The following ANKIB1 variants were observed in gnomAD, a reference collection of about 807,000 sequenced individuals.
ANKIB1 encodes the protein ankyrin repeat and IBR domain-containing protein 1.
A neutral mutation model predicts 122.1 loss-of-function variants in ANKIB1; 43 were observed. The ratio of observed to expected loss-of-function variants is 0.35; its 90% CI spans 0.28 to 0.45. The LOEUF (loss-of-function observed/expected upper bound fraction) is 0.45. Among genes scored for constraint, ANKIB1 ranks in the 20% least tolerant of loss-of-function variants. The pLI is 1.00. For missense variants in ANKIB1, 992 were observed against 1,329.5 expected, an observed-to-expected ratio of 0.75 and a Z score of 3.95; for synonymous variants, 390 against 442.0, an observed-to-expected ratio of 0.88 and a Z score of 1.48.
chr7:92,324,459 C>CGCAT, intron 4 of ANKIB1, among the ~76,000 whole-genome samples: 1 of 152,330 alleles, frequency 6.6e-6, no homozygotes, highest in Non-Finnish European at 1.5e-5. Flanking sequence ...GTCTTGAACT[C>CGCAT]GTGACCTCAA....
At chr7:92,307,808 C>CTTTTTTTTTTTTTTTTTTTT (rs71107855) in intron 3 of ANKIB1, among the ~76,000 whole-genome samples, 152 bp downstream of exon 3, 1 of 47,906 alleles carries the variant, frequency 2.1e-5, no homozygotes. Context: ...TAAAGGGCCT[C>CTTTTTTTTTTTTTTTTTTTT]TTTTTTTTTT....
intron 1 of ANKIB1, among the ~76,000 whole-genome samples, chr7:92,291,739 G>A (rs1217824067): frequency 2.0e-5 from 3 of 151,834 alleles, no homozygotes; most frequent in African/African-American, 7.3e-5. Flanking sequence ...ACCACGCCCG[G>A]CTAATTTTTT....
chr7:92,285,410 A>G (rs1448621945), intron 1 of ANKIB1, among the ~76,000 whole-genome samples: 1 of 152,244 alleles, frequency 6.6e-6, no homozygotes, highest in African/African-American at 2.4e-5. Context: ...ATAGAAAAGT[A>G]TAAGGCATGT....
chr7:92,323,502 A>G (rs1802958289), intron 4 of ANKIB1, among the ~76,000 whole-genome samples: 1 of 152,006 alleles, frequency 6.6e-6, no homozygotes, highest in African/African-American at 2.4e-5. Context: ...TGAATTTGTG[A>G]CTTGCTAATA....
intron 1 of ANKIB1, among the ~76,000 whole-genome samples, chr7:92,287,280 CT>C (rs1472265718): frequency 6.6e-6 from 1 of 152,174 alleles, no homozygotes; most frequent in Non-Finnish European, 1.5e-5. Context: ...GTCTAGGGCC[CT>C]ATATGGCATT....
chr7:92,370,296 C>G (rs985599575), intron 10 of ANKIB1, among the ~76,000 whole-genome samples: 1 of 151,552 alleles, frequency 6.6e-6, no homozygotes, highest in African/African-American at 2.4e-5. Context: ...ATCACGAGGT[C>G]AGGAGATCGA....
chr7:92,362,302 C>T, intron 10 of ANKIB1, 29 bp downstream of exon 10: 1 of 1,539,972 alleles, frequency 6.5e-7, no homozygotes, highest in South Asian at 1.2e-5. Flanking sequence ...AGCTTTGCTG[C>T]ATATTTCCTG....
intron 2 of ANKIB1, among the ~76,000 whole-genome samples, chr7:92,296,159 T>C (rs953787738): frequency 2.6e-5 from 4 of 152,148 alleles, no homozygotes; most frequent in African/African-American, 4.8e-5. Context: ...GCCATGTCCA[T>C]GCTGTTCTCT....
chr7:92,376,225 G>A lies in ANKIB1; in HGVS notation c.1617+4618G>A, dbSNP rs535084425. On this transcript the variant is annotated intron_variant, in intron 11 of 19. Transcript: ENST00000265742. ...AACTGGCTGCATTATCCCGTAACAAGAGTCAGCCCATTCTTCGAAGCTTTG... is the reference window on the plus strand; with the variant it reads ...AACTGGCTGCATTATCCCGTAACAAAAGTCAGCCCATTCTTCGAAGCTTTG... Among the ~76,000 whole-genome samples the A allele has an allele frequency of 5.9e-5, 9 of 152,278 alleles. No homozygotes were observed. In the East Asian group the frequency reaches 1.5e-3, roughly 26 times the overall value.
chr7:92,257,202 A>AAG (rs1801465577), intron 1 of ANKIB1, among the ~76,000 whole-genome samples: 1 of 152,028 alleles, frequency 6.6e-6, no homozygotes, highest in Admixed American at 6.5e-5. Context: ...GAAAAAAAAA[A>AAG]AGAGAGAAAA....
intron 10 of ANKIB1, among the ~76,000 whole-genome samples, chr7:92,363,452 A>G (rs1305633970): frequency 6.6e-6 from 1 of 152,224 alleles, no homozygotes; most frequent in Non-Finnish European, 1.5e-5. Flanking sequence ...AGCAAAGCAC[A>G]TAATAAAGAT....
At chr7:92,254,629 A>G (rs926603816) in intron 1 of ANKIB1, among the ~76,000 whole-genome samples, 4 of 152,050 alleles carry the variant, frequency 2.6e-5, no homozygotes, top group African/African-American at 9.7e-5. Flanking sequence ...TTTGATTTTC[A>G]GTTCTGTGAA....
At position 92,352,505 on chromosome 7, in the gene ANKIB1, A is replaced by G; in HGVS notation, c.1260A>G (p.Lys420=). ...TTGTTGAAAATAATCCTGCCATTAA[A>G]TGGTGTCCTACTCCAGGCTGTGACA... ...KAFVENNPAI[K]WCPTPGCDRA... The change falls in exon 9 of 20, where the codon AAA becomes AAG. Residue 420 remains lysine, a synonymous_variant. Transcript: ENST00000265742. 6.2e-7 allele frequency: 1 copy of G among 1,613,380 alleles called. No homozygotes were observed. The highest frequency in any genetic ancestry group is 8.5e-7 in the Non-Finnish European group (1 of 1,179,744).
intron 4 of ANKIB1, among the ~76,000 whole-genome samples, chr7:92,324,656 G>A (rs991712493): frequency 6.6e-6 from 1 of 152,174 alleles, no homozygotes; most frequent in African/African-American, 2.4e-5. Flanking sequence ...CCTGCTGTGT[G>A]ATTATATTAA....
chr7:92,265,679 G>C (rs1801657224), intron 1 of ANKIB1, among the ~76,000 whole-genome samples: 1 of 152,206 alleles, frequency 6.6e-6, no homozygotes, highest in Non-Finnish European at 1.5e-5. Flanking sequence ...GATTACCCAG[G>C]AGATGGGAAG....
chr7:92,277,601 C>T (rs934482194), intron 1 of ANKIB1, among the ~76,000 whole-genome samples: 4 of 152,094 alleles, frequency 2.6e-5, no homozygotes, highest in Non-Finnish European at 5.9e-5. Flanking sequence ...GTCCATGTTA[C>T]GAGTTCATTT....
chr7:92,357,021 C>T (rs1209708404), intron 9 of ANKIB1, among the ~76,000 whole-genome samples: 1 of 152,246 alleles, frequency 6.6e-6, no homozygotes, highest in Non-Finnish European at 1.5e-5. Context: ...AAATTGCCAA[C>T]TTCTGGATAT....
At chr7:92,397,446 A>G (rs1804923154) in intron 18 of ANKIB1, among the ~76,000 whole-genome samples, 1 of 151,838 alleles carries the variant, frequency 6.6e-6, no homozygotes, top group South Asian at 2.1e-4. Context: ...AGATTGCGCC[A>G]CTGCACTCCA....
At chr7:92,256,554 T>G (rs773129214) in intron 1 of ANKIB1, among the ~76,000 whole-genome samples, 2 of 152,262 alleles carry the variant, frequency 1.3e-5, no homozygotes, top group Non-Finnish European at 2.9e-5. Flanking sequence ...AACTGAGAAC[T>G]AGGTAACAAC....
Sources: allele counts gnomAD v4.1 joint callset (sites outside exome capture counted in the v4.1 genomes callset), GRCh38; gene constraint gnomAD v4.1.1; transcripts MANE v1.5; gene names NCBI Gene and HGNC (gene_info 2026-07-23, HGNC 2026-07-21).